RSRC1: variants seen among roughly 807,000 people sequenced by gnomAD.
RSRC1 encodes the protein arginine and serine rich coiled-coil 1.
Under a neutral mutation model 49.1 loss-of-function variants are expected in RSRC1, and 39 were observed. That is an observed-to-expected ratio of 0.79 (90% CI 0.61 to 1.04). The LOEUF (loss-of-function observed/expected upper bound fraction) is 1.04, where lower values mean the gene tolerates loss of function less well. Among genes scored for constraint, RSRC1 ranks in the 50% least tolerant of loss-of-function variants. The probability of loss-of-function intolerance (pLI) is 0.00; values close to 1 mark genes in which losing one functional copy is unlikely to be tolerated. For synonymous variants in RSRC1, 143 were observed against 130.8 expected (o/e 1.09, Z -0.63); for missense variants, 388 against 402.4 (o/e 0.96, Z 0.31).
At chr3:158,510,749 T>C (rs1740115255) in intron 7 of RSRC1, among the ~76,000 whole-genome samples, 1 of 152,202 alleles carries the variant, frequency 6.6e-6, no homozygotes, top group Non-Finnish European at 1.5e-5. Context: ...GTTTTATTCA[T>C]CCTTTCTAAC....
chr3:158,228,575 G>T (rs1722653707), intron 4 of RSRC1, among the ~76,000 whole-genome samples: 1 of 151,672 alleles, frequency 6.6e-6, no homozygotes, highest in African/African-American at 2.4e-5. Context: ...TATCATTATT[G>T]ATAAAATTCC....
chr3:158,340,908 G>T (rs189763737), intron 5 of RSRC1, among the ~76,000 whole-genome samples: 2 of 152,312 alleles, frequency 1.3e-5, no homozygotes, highest in East Asian at 3.9e-4. Context: ...CCAGGCTGAG[G>T]TGGTCACAGA....
At chr3:158,165,864 T>G (rs1435199512) in intron 3 of RSRC1, among the ~76,000 whole-genome samples, 1 of 152,208 alleles carries the variant, frequency 6.6e-6, no homozygotes, top group Non-Finnish European at 1.5e-5. Context: ...TTTATTAGCT[T>G]AAACAGTGTA....
chr3:158,181,832 G>T (rs2108253447), intron 3 of RSRC1, among the ~76,000 whole-genome samples: 1 of 152,270 alleles, frequency 6.6e-6, no homozygotes, highest in South Asian at 2.1e-4. Context: ...AATTGAGAAA[G>T]TAGTACATGA....
At chr3:158,419,594 G>T (rs1734929370) in intron 6 of RSRC1, among the ~76,000 whole-genome samples, 1 of 151,790 alleles carries the variant, frequency 6.6e-6, no homozygotes, top group African/African-American at 2.4e-5. Flanking sequence ...TGTGATTGAT[G>T]ATTTTTATTT....
intron 7 of RSRC1, among the ~76,000 whole-genome samples, chr3:158,527,291 A>T (rs1325748347): frequency 1.3e-5 from 2 of 151,798 alleles, no homozygotes; most frequent in African/African-American, 4.8e-5. Flanking sequence ...TTCTCTAGCT[A>T]GTGGGTGGCC....
At chr3:158,487,008 T>C (rs928539473) in intron 7 of RSRC1, among the ~76,000 whole-genome samples, 1 of 152,158 alleles carries the variant, frequency 6.6e-6, no homozygotes, top group African/African-American at 2.4e-5. Context: ...TCAGAATCAC[T>C]TGAGAGTTGT....
intron 4 of RSRC1, among the ~76,000 whole-genome samples, chr3:158,278,052 T>C (rs1313350799): frequency 2.0e-5 from 3 of 152,206 alleles, no homozygotes; most frequent in Admixed American, 2.0e-4. Context: ...TATTGATCCC[T>C]AATGTGAAAC....
intron 3 of RSRC1, among the ~76,000 whole-genome samples, chr3:158,194,054 TACAC>T (rs10530687): frequency 0.099 from 14,235 of 143,702 alleles, 832 homozygotes; most frequent in South Asian, 0.19. Flanking sequence ...ACCCCGTCTA[TACAC>T]ACACACACAC....
rs1030622504 is a variant in RSRC1, at chr3:158,127,021, C to T, written c.320+3030C>T. Among the ~76,000 whole-genome samples, 11 of 152,096 alleles carry T rather than the reference C, an allele frequency of 7.2e-5. No homozygotes were observed. In the South Asian group the frequency reaches 1.5e-3, roughly 20 times the overall value. ...CTTATGAAAGCTCCCTTGTGTATGACGATTTACTTTTCTCTTGCTGCTTTC... is the reference window on the plus strand; with the variant it reads ...CTTATGAAAGCTCCCTTGTGTATGATGATTTACTTTTCTCTTGCTGCTTTC... On this transcript the variant is annotated intron_variant, in intron 3 of 9. Transcript: ENST00000611884.
intron 1 of RSRC1, among the ~76,000 whole-genome samples, chr3:158,118,488 T>A (rs1715028533): frequency 6.9e-6 from 1 of 144,246 alleles, no homozygotes; most frequent in Non-Finnish European, 1.5e-5. Context: ...TTTTTTAAAT[T>A]GTCCTTTGTT....
chr3:158,436,308 G>A (rs987312401), intron 6 of RSRC1, among the ~76,000 whole-genome samples: 33 of 152,038 alleles, frequency 2.2e-4, no homozygotes, highest in Middle Eastern at 6.8e-3. Flanking sequence ...ATGCATCATG[G>A]AGCAACAATT....
chr3:158,192,526 A>G (rs1395802055), intron 3 of RSRC1, among the ~76,000 whole-genome samples: 1 of 152,064 alleles, frequency 6.6e-6, no homozygotes, highest in Non-Finnish European at 1.5e-5. Flanking sequence ...ATTGGGAAAT[A>G]AGGTGCTAGG....
chr3:158,506,541 G>C (rs867203979), intron 7 of RSRC1, among the ~76,000 whole-genome samples: 4 of 151,868 alleles, frequency 2.6e-5, no homozygotes, highest in Non-Finnish European at 5.9e-5. Flanking sequence ...AAAAGAAGAC[G>C]ACATATAAAC....
Position 158,338,237 on chromosome 3 carries a change from T to A in RSRC1, c.532-16620T>A, listed in dbSNP as rs949745915. On this transcript the variant is annotated intron_variant, in intron 5 of 9. Transcript: ENST00000611884. ...TTTTTTTTTTGCAAACCCCTTAAAC[T>A]GTTTAGAGAAAATGTTTGATAAAAC... Among the ~76,000 whole-genome samples, 5 of 151,928 alleles carry A rather than the reference T, an allele frequency of 3.3e-5. No homozygotes were observed. In the East Asian group the frequency reaches 7.7e-4, roughly 23 times the overall value.
rs777344495 is a variant in RSRC1 at position 158,460,917 on chromosome 3, G to A, written c.584-18G>A. ...TAGGCATAAAATAAGTACAAAAATT[G>A]TATTGTTTTTGTTTCAGCAAAAGCT... is the stretch of plus-strand genomic sequence containing the variant. On this transcript the variant is annotated intron_variant, in intron 6 of 9. Coordinates refer to ENST00000611884, the MANE Select transcript of RSRC1 (RefSeq NM_001271838.2). 2 of 1,549,326 alleles carry A rather than the reference G, an allele frequency of 1.3e-6. No homozygotes were observed. The highest frequency in any genetic ancestry group is 1.2e-5 in the South Asian group (1 of 83,752).
intron 9 of RSRC1, chr3:158,543,749 CT>C (rs34676157): frequency 0.19 from 49,644 of 257,564 alleles, 1,835 homozygotes; most frequent in Middle Eastern, 0.25. Flanking sequence ...GCATTTTTTC[CT>C]TTTTTTTTTT....
At chr3:158,129,288 C>CTTTTTTTTTT (rs71144439) in intron 3 of RSRC1, among the ~76,000 whole-genome samples, 3 of 71,082 alleles carry the variant, frequency 4.2e-5, no homozygotes, top group African/African-American at 6.4e-5. Context: ...TTCTTTCTTT[C>CTTTTTTTTTT]TTTTTTTTTT....
chr3:158,227,578 A>T (rs1722597834), intron 4 of RSRC1, among the ~76,000 whole-genome samples: 1 of 152,016 alleles, frequency 6.6e-6, no homozygotes. Flanking sequence ...AGATACACTG[A>T]TACTCTTTTA....
Sources: allele counts gnomAD v4.1 joint callset (sites outside exome capture counted in the v4.1 genomes callset), GRCh38; gene constraint gnomAD v4.1.1; transcripts MANE v1.5; gene names NCBI Gene and HGNC (gene_info 2026-07-23, HGNC 2026-07-21).